LRRTM4: variants seen among roughly 807,000 people sequenced by gnomAD.
LRRTM4 encodes the protein leucine-rich repeat transmembrane neuronal protein 4.
A neutral mutation model predicts 47.6 loss-of-function variants in LRRTM4; 25 were observed. The observed-to-expected ratio is 0.53, with a 90% confidence interval of 0.38 to 0.73. LRRTM4 has a LOEUF of 0.73. LRRTM4 is among the 30% of genes least tolerant of loss of function. The pLI is 0.00. For missense variants in LRRTM4, 638 were observed against 713.4 expected (o/e 0.89, Z 1.20); for synonymous variants, 311 against 269.5 (o/e 1.15, Z -1.51).
intron 3 of LRRTM4, among the ~76,000 whole-genome samples, chr2:76,825,808 AGGT>A (rs747038979): frequency 6.6e-6 from 1 of 151,618 alleles, no homozygotes; most frequent in Non-Finnish European, 1.5e-5. Context: ...AAACACTAAG[AGGT>A]TAGTCAAAGG....
At chr2:77,122,196 TA>T (rs935093198) in intron 3 of LRRTM4, among the ~76,000 whole-genome samples, 9 of 151,688 alleles carry the variant, frequency 5.9e-5, no homozygotes, top group Non-Finnish European at 8.9e-5. Flanking sequence ...TGAGTAAAAT[TA>T]TTAAATTGAG....
At chr2:76,941,586 T>C (rs774527708) in intron 3 of LRRTM4, among the ~76,000 whole-genome samples, 4 of 152,020 alleles carry the variant, frequency 2.6e-5, no homozygotes, top group Non-Finnish European at 5.9e-5. Flanking sequence ...GTTCCTGTTT[T>C]AGTTTGTTAA....
At chr2:77,097,566 G>A (rs1319839590) in intron 3 of LRRTM4, among the ~76,000 whole-genome samples, 1 of 151,684 alleles carries the variant, frequency 6.6e-6, no homozygotes, top group Admixed American at 6.6e-5. Context: ...TAAAATATTA[G>A]GACAGTTAAA....
chr2:76,869,190 T>G (rs552040817), intron 3 of LRRTM4, among the ~76,000 whole-genome samples: 67 of 151,994 alleles, frequency 4.4e-4, no homozygotes, highest in Non-Finnish European at 5.4e-4. Context: ...GTGCCTTTAG[T>G]CCCAGCTACT....
chr2:77,218,032 T>C (rs1674508606), intron 3 of LRRTM4, among the ~76,000 whole-genome samples: 2 of 152,214 alleles, frequency 1.3e-5, no homozygotes, highest in Admixed American at 6.5e-5. Context: ...TATTGCCCTA[T>C]TGCCCAGGCT....
chr2:77,061,204 A>C (rs1399623995), intron 3 of LRRTM4, among the ~76,000 whole-genome samples: 1 of 152,118 alleles, frequency 6.6e-6, no homozygotes, highest in African/African-American at 2.4e-5. Flanking sequence ...AAATTAGATA[A>C]TTGAATATCC....
At chr2:76,956,831 ATAATC>A (rs1444914582) in intron 3 of LRRTM4, among the ~76,000 whole-genome samples, 2 of 151,550 alleles carry the variant, frequency 1.3e-5, no homozygotes, top group Admixed American at 6.6e-5. Flanking sequence ...AAAAATTTGA[ATAATC>A]TAAAAGAAAT....
At chr2:77,005,559 T>C (rs1479008324) in intron 3 of LRRTM4, among the ~76,000 whole-genome samples, 1 of 152,190 alleles carries the variant, frequency 6.6e-6, no homozygotes, top group African/African-American at 2.4e-5. Context: ...TCCCCACATG[T>C]CATGGAAGGG....
intron 3 of LRRTM4, among the ~76,000 whole-genome samples, chr2:77,153,052 C>G (rs1385970923): frequency 3.3e-5 from 5 of 152,176 alleles, no homozygotes; most frequent in Non-Finnish European, 5.9e-5. Context: ...CATATTCCTT[C>G]TGAGATCTTA....
chr2:77,437,329 A>T (rs935534091), intron 3 of LRRTM4, among the ~76,000 whole-genome samples: 1 of 152,070 alleles, frequency 6.6e-6, no homozygotes, highest in African/African-American at 2.4e-5. Context: ...ACAGCTTCCT[A>T]TTATACAGAG....
At chr2:76,862,958 T>G (rs1672362499) in intron 3 of LRRTM4, among the ~76,000 whole-genome samples, 2 of 152,206 alleles carry the variant, frequency 1.3e-5, no homozygotes, top group Non-Finnish European at 2.9e-5. Flanking sequence ...ATTTCCAGAT[T>G]ATGTTTCTAC....
At position 77,036,589 on chromosome 2, in the gene LRRTM4, T is replaced by C. The variant is rs571822688; in HGVS notation, c.1552-287673A>G. Among the ~76,000 whole-genome samples, 12 of 151,900 alleles carry C rather than the reference T, an allele frequency of 7.9e-5. No homozygotes were observed. The South Asian group carries it at 2.1e-3, about 26-fold the overall frequency. ...CTCTAAATGTTTCAGTTTTTCTTTT[T>C]GCATGAACATGTCAAATCTCTTAAA... On this transcript the variant is annotated intron_variant, in intron 3 of 3. Coordinates refer to ENST00000409884, the MANE Select transcript of LRRTM4 (RefSeq NM_001134745.3).
intron 3 of LRRTM4, among the ~76,000 whole-genome samples, chr2:76,798,256 G>A (rs1464620319): frequency 6.6e-6 from 1 of 152,080 alleles, no homozygotes; most frequent in Admixed American, 6.5e-5. Context: ...CTATCTCTCA[G>A]ACCACAGTGC....
chr2:76,867,582 G>A (rs1175933672), intron 3 of LRRTM4, among the ~76,000 whole-genome samples: 2 of 152,100 alleles, frequency 1.3e-5, no homozygotes, highest in African/African-American at 2.4e-5. Context: ...GGGCTTTTCA[G>A]TTGAAGAGAT....
At chr2:77,133,073 T>C (rs1017901627) in intron 3 of LRRTM4, among the ~76,000 whole-genome samples, 4 of 152,208 alleles carry the variant, frequency 2.6e-5, no homozygotes, top group African/African-American at 9.6e-5. Context: ...CTGGAGTGAA[T>C]GTGGCAGCTG....
At chr2:77,499,904 C>T (rs959537973) in intron 3 of LRRTM4, among the ~76,000 whole-genome samples, 8 of 151,664 alleles carry the variant, frequency 5.3e-5, no homozygotes, top group African/African-American at 1.7e-4. Context: ...AAAATTTGCC[C>T]TTAAAGTATA....
chr2:76,884,159 A>C (rs1483487292), intron 3 of LRRTM4, among the ~76,000 whole-genome samples: 1 of 152,142 alleles, frequency 6.6e-6, no homozygotes, highest in Non-Finnish European at 1.5e-5. Flanking sequence ...GCATTTTGTA[A>C]CAAGCATCAT....
chr2:77,454,604 C>G (rs773029549), intron 3 of LRRTM4, among the ~76,000 whole-genome samples: 3 of 152,054 alleles, frequency 2.0e-5, no homozygotes, highest in Non-Finnish European at 2.9e-5. Context: ...TGGATACTGA[C>G]AAGCAATGAC....
intron 3 of LRRTM4, among the ~76,000 whole-genome samples, chr2:76,829,138 A>G (rs1302433272): frequency 1.3e-5 from 2 of 151,900 alleles, no homozygotes; most frequent in African/African-American, 2.4e-5. Context: ...AAATGTTCCC[A>G]AAGTCTGCTT....
Sources: allele counts gnomAD v4.1 joint callset (sites outside exome capture counted in the v4.1 genomes callset), GRCh38; gene constraint gnomAD v4.1.1; transcripts MANE v1.5; gene names NCBI Gene and HGNC (gene_info 2026-07-23, HGNC 2026-07-21).